LINGO2: variants seen among roughly 807,000 people sequenced by gnomAD.
The protein encoded by LINGO2 is leucine-rich repeat and immunoglobulin-like domain-containing nogo receptor-interacting protein 2.
In LINGO2, 14 loss-of-function variants were observed where a neutral mutation model predicts 30.6. The observed-to-expected ratio is 0.46, with a 90% CI of 0.30 to 0.72. The LOEUF is 0.72. Ranked by LOEUF, LINGO2 falls within the 30% of genes least tolerant of loss-of-function variation. The pLI is 0.07. For missense variants in LINGO2, 729 were observed against 751.7 expected (o/e 0.97, Z 0.35); for synonymous variants, 317 against 288.5 (o/e 1.10, Z -1.00).
intron 4 of LINGO2, among the ~76,000 whole-genome samples, chr9:28,244,461 G>T (rs1424906166): frequency 3.3e-5 from 5 of 151,900 alleles, no homozygotes; most frequent in African/African-American, 1.2e-4. Context: ...AGATCAGAGT[G>T]GAACTGAAGG....
chr9:29,095,736 T>G, the LINGO2 span, among the ~76,000 whole-genome samples: 2 of 139,132 alleles, frequency 1.4e-5, 1 homozygote, highest in Non-Finnish European at 3.1e-5. Context: ...GAGTCCTTCA[T>G]ACAAATCATG....
intron 1 of LINGO2, among the ~76,000 whole-genome samples, chr9:28,484,457 A>G (rs1467868504): frequency 6.6e-6 from 1 of 152,100 alleles, no homozygotes; most frequent in African/African-American, 2.4e-5. Context: ...TAATTGAAGG[A>G]AGTTATCACT....
At chr9:28,184,009 T>C (rs1380219205) in intron 4 of LINGO2, among the ~76,000 whole-genome samples, 1 of 152,214 alleles carries the variant, frequency 6.6e-6, no homozygotes, top group Non-Finnish European at 1.5e-5. Flanking sequence ...CAACAAACTT[T>C]CTAGGCAGCC....
At chr9:28,613,062 G>A (rs1825986575) in intron 1 of LINGO2, among the ~76,000 whole-genome samples, 1 of 152,056 alleles carries the variant, frequency 6.6e-6, no homozygotes, top group African/African-American at 2.4e-5. Context: ...TCTCCTTCCT[G>A]TCATCTTGTG....
At chr9:29,098,660 T>C in the LINGO2 span, among the ~76,000 whole-genome samples, 2 of 151,968 alleles carry the variant, frequency 1.3e-5, no homozygotes, top group South Asian at 4.1e-4. Context: ...AACAGTGAAA[T>C]AGGCCCAGCT....
intron 4 of LINGO2, among the ~76,000 whole-genome samples, chr9:28,060,925 T>C (rs184981412): frequency 6.2e-4 from 94 of 152,140 alleles, no homozygotes; most frequent in African/African-American, 2.3e-3. Flanking sequence ...TGTTTCTTCT[T>C]ATAGGAACAC....
At chr9:28,616,644 C>T (rs759532069) in intron 1 of LINGO2, among the ~76,000 whole-genome samples, 16 of 152,174 alleles carry the variant, frequency 1.1e-4, no homozygotes, top group Admixed American at 9.2e-4. Flanking sequence ...CTGATTATTG[C>T]CCTTTAATGA....
At chr9:28,877,878 C>A in the LINGO2 span, among the ~76,000 whole-genome samples, 1 of 152,134 alleles carries the variant, frequency 6.6e-6, no homozygotes, top group Non-Finnish European at 1.5e-5. Flanking sequence ...TTCTTCCTAC[C>A]AATGAGCATG....
exon 6 of LINGO2, chr9:27,948,540 G>T (rs970388428): frequency 5.1e-5 from 14 of 274,886 alleles, no homozygotes; most frequent in Non-Finnish European, 8.7e-5. Flanking sequence ...GTTTTTTGCA[G>T]TGGTAGAAAA....
the LINGO2 span, among the ~76,000 whole-genome samples, chr9:28,960,096 T>A: frequency 1.3e-5 from 2 of 152,308 alleles, no homozygotes; most frequent in African/African-American, 2.4e-5. Context: ...AAAAAGTACA[T>A]AGAAATTCTA....
intron 1 of LINGO2, among the ~76,000 whole-genome samples, chr9:28,603,051 A>C (rs1825555386): frequency 6.6e-6 from 1 of 152,100 alleles, no homozygotes; most frequent in Non-Finnish European, 1.5e-5. Context: ...TTTGAAAACA[A>C]AGCTAGACAC....
the LINGO2 span, among the ~76,000 whole-genome samples, chr9:28,769,502 ATATATATATATATATATTTTTTTTT>A: frequency 1.5e-3 from 7 of 4,582 alleles, no homozygotes; most frequent in Admixed American, 7.0e-3. Flanking sequence ...ATATATATAT[ATATATATATATATATATTTTTTTTT>A]TTTTTTTTTT....
intron 4 of LINGO2, among the ~76,000 whole-genome samples, chr9:28,031,422 G>A (rs923543733): frequency 2.0e-5 from 3 of 150,176 alleles, no homozygotes; most frequent in Admixed American, 6.6e-5. Context: ...GTTACAATAT[G>A]TTTTGACTTA....
At chr9:29,210,338 C>A in the LINGO2 span, among the ~76,000 whole-genome samples, 261 of 152,212 alleles carry the variant, frequency 1.7e-3, 5 homozygotes, top group East Asian at 0.04. Flanking sequence ...GTCTTAATAG[C>A]AGATCTTCCT....
rs148431855 is a variant in LINGO2 at position 28,158,279 on chromosome 9, C to T, written c.-87+136929G>A. Among the ~76,000 whole-genome samples, 376 of 152,168 alleles carry T rather than the reference C, an allele frequency of 2.5e-3. 5 individuals are homozygous for T. In the South Asian group the frequency reaches 0.038, roughly 15 times the overall value. ...CTTATTCGCTGTCACGAGAACAGCACGGGAAAGGCTTGCCCCTATGACTCA... is the reference window on the plus strand; with the variant it reads ...CTTATTCGCTGTCACGAGAACAGCATGGGAAAGGCTTGCCCCTATGACTCA... On this transcript the variant is annotated intron_variant, in intron 4 of 5. Coordinates refer to ENST00000379992, the Ensembl canonical transcript of LINGO2.
the LINGO2 span, among the ~76,000 whole-genome samples, chr9:28,992,209 T>C: frequency 6.6e-6 from 1 of 151,748 alleles, no homozygotes; most frequent in African/African-American, 2.4e-5. Flanking sequence ...AGGCAGGGGT[T>C]GCAATCCTAG....
At chr9:28,221,963 C>T (rs16912603) in intron 4 of LINGO2, among the ~76,000 whole-genome samples, 7,915 of 152,146 alleles carry the variant, frequency 0.052, 282 homozygotes, top group African/African-American at 0.095. Flanking sequence ...GAAAACTAGC[C>T]CTCACAACAT....
chr9:28,761,280 C>T, the LINGO2 span, among the ~76,000 whole-genome samples: 2 of 151,862 alleles, frequency 1.3e-5, no homozygotes, highest in African/African-American at 4.8e-5. Context: ...GCAAAATTAT[C>T]GCTATTTATA....
At chr9:29,072,725 C>T in the LINGO2 span, among the ~76,000 whole-genome samples, 2 of 151,258 alleles carry the variant, frequency 1.3e-5, no homozygotes, top group East Asian at 2.0e-4. Context: ...CTGTCTTTCC[C>T]TCTCTTGTCT....
Sources: allele counts gnomAD v4.1 joint callset (sites outside exome capture counted in the v4.1 genomes callset), GRCh38; gene constraint gnomAD v4.1.1; transcripts MANE v1.5; gene names NCBI Gene and HGNC (gene_info 2026-07-23, HGNC 2026-07-21).